GLRA3: variants seen among roughly 807,000 people sequenced by gnomAD.
GLRA3 encodes the protein glycine receptor subunit alpha-3.
A neutral mutation model predicts 60.4 loss-of-function variants in GLRA3; 44 were observed. That is an observed-to-expected ratio of 0.73 (90% CI 0.57 to 0.94). The LOEUF (loss-of-function observed/expected upper bound fraction) is 0.94, where lower values mean the gene tolerates loss of function less well. Among genes scored for constraint, GLRA3 ranks in the 40% least tolerant of loss-of-function variants. The pLI is 0.00. For missense variants in GLRA3, 508 were observed against 564.6 expected (o/e 0.90, Z 1.02); for synonymous variants, 223 against 192.9 (o/e 1.16, Z -1.29).
rs927273667 is a variant in GLRA3, at chr4:174,774,352, A to ATGTGTGTGTGTATGTG, written c.200-7338_200-7323dup. On this transcript the variant is annotated intron_variant, in intron 2 of 9. Transcript: ENST00000274093. ...TAGAAGAAAATCGATGTGTAAATGT[A>ATGTGTGTGTGTATGTG]TGTGTGTGTGTATGTGTGTGTGTGT... Among the ~76,000 whole-genome samples the ATGTGTGTGTGTATGTG allele has an allele frequency of 2.7e-5, 4 of 146,930 alleles. 1 individual carries two copies. The South Asian group carries it at 8.7e-4, about 32-fold the overall frequency.
rs568076862 is a variant in GLRA3 at position 174,779,233 on chromosome 4, A to T, written c.199+9583T>A. ...ACACCTCACACGGCAGGGTACTCCA[A>T]CAGACCTGCAGCTGAGGGTCCTGTC... On this transcript the variant is annotated intron_variant, in intron 2 of 9. Coordinates refer to ENST00000274093, the MANE Select transcript of GLRA3 (RefSeq NM_006529.4). 5.0e-3 allele frequency among the ~76,000 whole-genome samples: 760 copies of T among 152,234 alleles called. 4 individuals are homozygous for T. The highest frequency in any genetic ancestry group is 0.014 in the Middle Eastern group (4 of 294).
intron 9 of GLRA3, among the ~76,000 whole-genome samples, chr4:174,652,711 A>G (rs944486837): frequency 2.6e-5 from 4 of 152,144 alleles, no homozygotes; most frequent in African/African-American, 7.2e-5. Context: ...GAAATATTAG[A>G]GACAGACAGA....
At chr4:174,793,212 T>C (rs1332251444) in intron 1 of GLRA3, among the ~76,000 whole-genome samples, 1 of 152,072 alleles carries the variant, frequency 6.6e-6, no homozygotes, top group East Asian at 1.9e-4. Context: ...CACTCTCTAA[T>C]AATGCCTTCC....
chr4:174,714,675 T>G (rs920885437), intron 5 of GLRA3, among the ~76,000 whole-genome samples: 1 of 152,210 alleles, frequency 6.6e-6, no homozygotes, highest in South Asian at 2.1e-4. Context: ...CCTCAAGGAA[T>G]GTGTCAAACA....
intron 1 of GLRA3, among the ~76,000 whole-genome samples, chr4:174,825,345 C>G (rs980981413): frequency 6.6e-6 from 1 of 152,020 alleles, no homozygotes; most frequent in Admixed American, 6.6e-5. Context: ...CCAGTAAGCT[C>G]TGTGCTAAGA....
At chr4:174,714,842 G>A (rs760053601) in intron 5 of GLRA3, among the ~76,000 whole-genome samples, 28 of 152,302 alleles carry the variant, frequency 1.8e-4, no homozygotes, top group Middle Eastern at 3.4e-3. Flanking sequence ...CTGTGTTAAC[G>A]TTGATCAGTG....
chr4:174,733,161 A>G (rs4695956), intron 3 of GLRA3, among the ~76,000 whole-genome samples: 129,680 of 152,016 alleles, frequency 0.85, 55,355 homozygotes, highest in Middle Eastern at 0.88. Context: ...TAGAGGAAAA[A>G]GGCCAAGAAA....
Position 174,644,419 on chromosome 4 carries a change from A to G in GLRA3, c.1117-355T>C, listed in dbSNP as rs200505049. ...TCATAAACTAGATTTTTTTTTTTGCATTTTTTTTTAAATGGATAAATGTGT... is the reference window on the plus strand; with the variant it reads ...TCATAAACTAGATTTTTTTTTTTGCGTTTTTTTTTAAATGGATAAATGTGT... On this transcript the variant is annotated intron_variant, in intron 9 of 9. Coordinates refer to ENST00000274093, the MANE Select transcript of GLRA3 (RefSeq NM_006529.4). Among the ~76,000 whole-genome samples, 3 of 9,070 alleles carry G rather than the reference A, an allele frequency of 3.3e-4. No individual in the cohort carries two copies. In the Non-Finnish European group the frequency reaches 4.5e-3, roughly 13 times the overall value. The allele number at this position is 9,070 out of a possible 152,430, so 6.0% of individuals were successfully genotyped here.
intron 2 of GLRA3, among the ~76,000 whole-genome samples, chr4:174,779,840 G>C (rs1425157645): frequency 6.6e-6 from 1 of 151,978 alleles, no homozygotes; most frequent in Non-Finnish European, 1.5e-5. Flanking sequence ...CGTCTGATTG[G>C]TGTACCTGAA....
rs575211025 is a variant in GLRA3, at chr4:174,639,203, G to A, written c.*4583C>T. 3.2e-4 allele frequency: 48 copies of A among 152,272 alleles called. No homozygotes were observed. Among genetic ancestry groups the A allele is most frequent in the African/African-American group, 1.2e-3 (48 of 41,562 alleles). 9.4% of individuals were successfully genotyped at this position (152,272 alleles called of 1,614,324 possible). ...TTATGTGTTTTTGAGGCAAAAGATTGTTGCATGATTAAGAGCTGGCCAAAT... is the reference window on the plus strand; with the variant it reads ...TTATGTGTTTTTGAGGCAAAAGATTATTGCATGATTAAGAGCTGGCCAAAT... On this transcript the variant is annotated 3_prime_UTR_variant, in exon 10 of 10. Coordinates refer to ENST00000274093, the MANE Select transcript of GLRA3 (RefSeq NM_006529.4).
At chr4:174,799,102 A>C (rs1429907696) in intron 1 of GLRA3, among the ~76,000 whole-genome samples, 1 of 152,092 alleles carries the variant, frequency 6.6e-6, no homozygotes, top group Non-Finnish European at 1.5e-5. Flanking sequence ...AGGAATTTTA[A>C]TTTTTCGCAG....
chr4:174,807,004 C>G (rs908879097), intron 1 of GLRA3, among the ~76,000 whole-genome samples: 2 of 151,882 alleles, frequency 1.3e-5, no homozygotes, highest in African/African-American at 2.4e-5. Context: ...ATAATCAAGA[C>G]AGTTAGAGAC....
chr4:174,680,485 G>A (rs1734300641), intron 6 of GLRA3, among the ~76,000 whole-genome samples: 1 of 152,152 alleles, frequency 6.6e-6, no homozygotes, highest in African/African-American at 2.4e-5. Context: ...TTCAAGAGTT[G>A]GCATTTGAAT....
At position 174,677,229 on chromosome 4, in the gene GLRA3, T is replaced by C. The variant is rs1734162943; in HGVS notation, c.776A>G (p.Gln259Arg). The change falls in exon 7 of 10, where the codon CAG becomes CGG. Residue 259 changes from glutamine to arginine, a missense_variant. By Grantham distance (43) the Gln-to-Arg change is conservative. Coordinates refer to ENST00000274093, the MANE Select transcript of GLRA3 (RefSeq NM_006529.4). ...LERQMGYYLI[Q>R]MYIPSLLIVI... ...AATCAGGAGACTGGGAATGTACATC[T>C]GGATCAGATAGTATCCCATTTGTCG... The C allele has an allele frequency of 1.9e-6, 3 of 1,612,786 alleles. No individual in the cohort carries two copies. The highest frequency in any genetic ancestry group is 2.7e-5 in the African/African-American group (2 of 74,916).
intron 5 of GLRA3, among the ~76,000 whole-genome samples, chr4:174,687,806 A>G (rs943735428): frequency 6.6e-6 from 1 of 152,184 alleles, no homozygotes; most frequent in African/African-American, 2.4e-5. Flanking sequence ...TAAATAACTC[A>G]TCAATCTGAT....
At chr4:174,706,024 T>A (rs1735500886) in intron 5 of GLRA3, among the ~76,000 whole-genome samples, 1 of 151,942 alleles carries the variant, frequency 6.6e-6, no homozygotes, top group Non-Finnish European at 1.5e-5. Context: ...AGGTCAGGAA[T>A]CCAGACCATC....
chr4:174,715,627 A>T, intron 4 of GLRA3, 57 bp from the exon 5 acceptor site: 1 of 797,512 alleles, frequency 1.3e-6, no homozygotes, highest in Non-Finnish European at 2.1e-6. Context: ...TTAATATTCT[A>T]TTGTACAGGA....
chr4:174,816,455 G>A (rs936451320), intron 1 of GLRA3, among the ~76,000 whole-genome samples: 24 of 152,108 alleles, frequency 1.6e-4, no homozygotes, highest in African/African-American at 5.1e-4. Context: ...TAGGCATCAC[G>A]TTCACTATAC....
At chr4:174,769,851 G>C (rs1738310836) in intron 2 of GLRA3, among the ~76,000 whole-genome samples, 1 of 152,088 alleles carries the variant, frequency 6.6e-6, no homozygotes, top group Non-Finnish European at 1.5e-5. Context: ...AGAGTTGGTA[G>C]AAACTTTTAG....
Sources: gnomAD v4.1 joint callset for allele counts (sites outside exome capture counted in the v4.1 genomes callset) on GRCh38, gnomAD v4.1.1 for gene constraint, MANE v1.5 for transcripts, NCBI Gene and HGNC (gene_info 2026-07-23, HGNC 2026-07-21) for gene names.